Variants in HHIPL1 observed in about 807,000 individuals in gnomAD.
HHIPL1 encodes HHIP like 1, also known as HHIP-like protein 1.
In HHIPL1, 43 loss-of-function variants were observed where a neutral mutation model predicts 61.8. The observed-to-expected ratio is 0.70, with a 90% CI of 0.55 to 0.90. The LOEUF (loss-of-function observed/expected upper bound fraction) is 0.90, where lower values mean the gene tolerates loss of function less well. Ranked by LOEUF, HHIPL1 falls within the 40% of genes least tolerant of loss-of-function variation. HHIPL1 has a pLI of 0.00. For synonymous variants in HHIPL1, 482 were observed against 515.8 expected, an observed-to-expected ratio of 0.93 and a Z score of 0.89; for missense variants, 1,056 against 1,157.7, an observed-to-expected ratio of 0.91 and a Z score of 1.28.
At chr14:99,610,840 T>C in the HHIPL1 span, among the ~76,000 whole-genome samples, 1 of 152,334 alleles carries the variant, frequency 6.6e-6, no homozygotes, top group Admixed American at 6.5e-5. Flanking sequence ...TGCAGCGTGC[T>C]TCTGCCCTCA....
chr14:99,621,078 G>A, the HHIPL1 span, among the ~76,000 whole-genome samples: 1 of 152,208 alleles, frequency 6.6e-6, no homozygotes. Context: ...ACCTGACCAC[G>A]ACTTGCCCTG....
the HHIPL1 span, among the ~76,000 whole-genome samples, chr14:99,622,640 T>A: frequency 6.6e-6 from 1 of 152,190 alleles, no homozygotes; most frequent in Non-Finnish European, 1.5e-5. Flanking sequence ...CATACTGTGC[T>A]GGCCGTGTCT....
At chr14:99,656,445 C>T (rs1326345761) in intron 2 of HHIPL1, among the ~76,000 whole-genome samples, 1 of 152,078 alleles carries the variant, frequency 6.6e-6, no homozygotes, top group Non-Finnish European at 1.5e-5. Flanking sequence ...TACCTACTAG[C>T]TCCTTGTGGA....
chr14:99,675,034 G>A lies in HHIPL1; in HGVS notation c.1814-57G>A. On this transcript the variant is annotated intron_variant, in intron 8 of 8. Transcript: ENST00000330710. This position sits in a 1 kb window ranked among gnomAD's most constrained non-coding sequence, Gnocchi z 5.4. Reference sequence around the variant, plus strand: ...GTTGCAGGGCAGCACAGGGTGGGCAGCAGGGCTGGACAGGGGCGCCTGGGT... The same window carrying A: ...GTTGCAGGGCAGCACAGGGTGGGCAACAGGGCTGGACAGGGGCGCCTGGGT... The A allele has an allele frequency of 1.0e-6, 1 of 977,248 alleles. No homozygotes were observed. Among genetic ancestry groups the A allele is most frequent in the Non-Finnish European group, 1.3e-6 (1 of 788,608 alleles). 60.5% of individuals were successfully genotyped at this position (977,248 alleles called of 1,614,324 possible).
intron 1 of HHIPL1, 120 bp from the exon 2 acceptor site, chr14:99,652,104 G>GT: frequency 1.1e-6 from 1 of 887,574 alleles, no homozygotes. Context: ...GGCAGATGGC[G>GT]TTGTCTCCAT....
the HHIPL1 span, among the ~76,000 whole-genome samples, chr14:99,616,529 G>A: frequency 1.3e-5 from 2 of 152,164 alleles, no homozygotes; most frequent in African/African-American, 2.4e-5. Context: ...GTCTCAAGCT[G>A]GAGAGTCAAT....
chr14:99,605,388 G>GGGGC, the HHIPL1 span, among the ~76,000 whole-genome samples: 23 of 25,232 alleles, frequency 9.1e-4, no homozygotes, highest in South Asian at 0.011. Flanking sequence ...GGGGCGGGGC[G>GGGGC]GGGGGGGGTC....
chr14:99,669,755 T>C (rs2056305332), intron 7 of HHIPL1, among the ~76,000 whole-genome samples: 1 of 152,084 alleles, frequency 6.6e-6, no homozygotes, highest in Non-Finnish European at 1.5e-5. Context: ...CAAGACCCCA[T>C]CTCAACAAAA....
chr14:99,651,612 G>A (rs1378842842), intron 1 of HHIPL1, among the ~76,000 whole-genome samples: 2 of 152,154 alleles, frequency 1.3e-5, no homozygotes, highest in Admixed American at 1.3e-4. Context: ...TCCAACACTG[G>A]GGGTTACAAT....
the HHIPL1 span, among the ~76,000 whole-genome samples, chr14:99,612,041 A>G: frequency 6.6e-6 from 1 of 152,114 alleles, no homozygotes; most frequent in Non-Finnish European, 1.5e-5. Context: ...GAGGCTCTGT[A>G]TTAATTTATT....
At chr14:99,606,104 C>G in the HHIPL1 span, among the ~76,000 whole-genome samples, 661 of 152,238 alleles carry the variant, frequency 4.3e-3, 8 homozygotes, top group African/African-American at 0.015. Context: ...ATCTCCCACC[C>G]GTTCGCCACT....
chr14:99,629,119 C>T, the HHIPL1 span, among the ~76,000 whole-genome samples: 47 of 152,302 alleles, frequency 3.1e-4, 1 homozygote, highest in African/African-American at 9.6e-4. Context: ...ACCCAGATCA[C>T]GTGCCAGGCA....
At chr14:99,663,158 G>C in intron 6 of HHIPL1, 137 bp downstream of exon 6, 3 of 782,402 alleles carry the variant, frequency 3.8e-6, no homozygotes. Flanking sequence ...ATGTTCCCTG[G>C]CTCCAGACGT....
chr14:99,628,889 G>A, the HHIPL1 span, among the ~76,000 whole-genome samples: 1,768 of 152,310 alleles, frequency 0.012, 43 homozygotes, highest in African/African-American at 0.041. Flanking sequence ...TGGAAGACGA[G>A]GTAGTGCTTC....
At position 99,648,831 on chromosome 14, in the gene HHIPL1, G is replaced by A. The variant is rs952039369; in HGVS notation, c.255+3369G>A. Among the ~76,000 whole-genome samples, 3 of 152,314 alleles carry A rather than the reference G, an allele frequency of 2.0e-5. No homozygotes were observed. In the Middle Eastern group the frequency reaches 0.01, roughly 518 times the overall value. ...CCGATGGACAGGACACTGTGCAAAG[G>A]CTTGCTCTTTCAAAAAATGAACGGT... On this transcript the variant is annotated intron_variant, in intron 1 of 8. Coordinates refer to ENST00000330710, the MANE Select transcript of HHIPL1 (RefSeq NM_001127258.3).
the HHIPL1 span, among the ~76,000 whole-genome samples, chr14:99,635,696 C>T: frequency 3.3e-5 from 5 of 152,074 alleles, no homozygotes; most frequent in African/African-American, 4.8e-5. Flanking sequence ...AGAGGCTGCA[C>T]GCAGGCCCAC....
At chr14:99,636,259 C>A in the HHIPL1 span, among the ~76,000 whole-genome samples, 1 of 151,436 alleles carries the variant, frequency 6.6e-6, no homozygotes, top group African/African-American at 2.4e-5. Context: ...CTCAGAAATA[C>A]CTGGAGAGAC....
At chr14:99,612,473 G>A in the HHIPL1 span, among the ~76,000 whole-genome samples, 1 of 152,106 alleles carries the variant, frequency 6.6e-6, no homozygotes, top group Non-Finnish European at 1.5e-5. Context: ...TACTCACTTG[G>A]GATTTAATTG....
At chr14:99,605,592 C>T in the HHIPL1 span, among the ~76,000 whole-genome samples, 4 of 152,230 alleles carry the variant, frequency 2.6e-5, no homozygotes, top group African/African-American at 9.6e-5. Flanking sequence ...ACCGAACTGC[C>T]CTCTGCGGGG....
Sources: gnomAD v4.1 joint callset for allele counts (sites outside exome capture counted in the v4.1 genomes callset) on GRCh38, gnomAD v4.1.1 for gene constraint, Gnocchi (gnomAD v3.1) non-coding constraint, MANE v1.5 for transcripts, NCBI Gene and HGNC (gene_info 2026-07-23, HGNC 2026-07-21) for gene names.